Variants in NTM observed in about 807,000 individuals in gnomAD.
NTM encodes IgLON family member 2.
NTM carries 13 observed loss-of-function variants against 42.1 expected under a neutral mutation model. The observed-to-expected ratio is 0.31, with a 90% CI of 0.20 to 0.49. NTM has a LOEUF of 0.49. Ranked by LOEUF, NTM falls within the 20% of genes least tolerant of loss-of-function variation. The pLI is 0.99. For synonymous variants in NTM, 187 were observed against 179.2 expected (o/e 1.04, Z -0.35); for missense variants, 373 against 452.8 (o/e 0.82, Z 1.60).
At chr11:131,789,634 GAAAAGAAGA>G (rs1349975223) in intron 1 of NTM, among the ~76,000 whole-genome samples, 1 of 33,828 alleles carries the variant, frequency 3.0e-5, no homozygotes, top group African/African-American at 1.2e-4. Flanking sequence ...AGAAGAAGAA[GAAAAGAAGA>G]AGAAGAAGAA....
intron 2 of NTM, among the ~76,000 whole-genome samples, chr11:132,081,414 G>C (rs1407987967): frequency 3.3e-5 from 5 of 152,134 alleles, no homozygotes; most frequent in East Asian, 1.9e-4. Context: ...CCTATCCTAA[G>C]AGGATGGACA....
chr11:131,760,170 C>T (rs2083918172), intron 1 of NTM, among the ~76,000 whole-genome samples: 1 of 152,154 alleles, frequency 6.6e-6, no homozygotes. Flanking sequence ...AGAAGCATGA[C>T]AACACTGGAA....
intron 4 of NTM, among the ~76,000 whole-genome samples, chr11:132,233,277 A>G (rs1016160164): frequency 2.6e-5 from 4 of 152,216 alleles, no homozygotes; most frequent in African/African-American, 9.6e-5. Context: ...AAAATTAGCC[A>G]GGTATGGTGG....
intron 3 of NTM, among the ~76,000 whole-genome samples, chr11:132,210,132 G>A (rs1566478976): frequency 6.6e-6 from 1 of 152,160 alleles, no homozygotes; most frequent in Non-Finnish European, 1.5e-5. Flanking sequence ...GCTTCCCTGG[G>A]CTCTCCGGCA....
chr11:131,670,320 CCTTTCTTT>C (rs113552382), intron 1 of NTM, among the ~76,000 whole-genome samples: 4 of 151,896 alleles, frequency 2.6e-5, no homozygotes, highest in African/African-American at 4.8e-5. Context: ...TCAAATCTTT[CCTTTCTTT>C]CTTTCTTTCT....
At chr11:131,920,295 T>C (rs1324212299) in intron 2 of NTM, among the ~76,000 whole-genome samples, 1 of 152,204 alleles carries the variant, frequency 6.6e-6, no homozygotes, top group Non-Finnish European at 1.5e-5. Context: ...GTTCTCTAAT[T>C]GTAAGTCTTC....
At chr11:131,750,136 G>A (rs1391573824) in intron 1 of NTM, among the ~76,000 whole-genome samples, 3 of 152,152 alleles carry the variant, frequency 2.0e-5, no homozygotes, top group East Asian at 1.9e-4. Context: ...ATCCCCTAAC[G>A]TTATCATTTC....
At chr11:131,788,965 G>A (rs1565548296) in intron 1 of NTM, among the ~76,000 whole-genome samples, 1 of 152,214 alleles carries the variant, frequency 6.6e-6, no homozygotes, top group East Asian at 1.9e-4. Context: ...TCTCTGTTCT[G>A]GCTCATTACC....
chr11:131,415,510 C>T (rs1946854091), intron 1 of NTM, among the ~76,000 whole-genome samples: 1 of 152,120 alleles, frequency 6.6e-6, no homozygotes, highest in Admixed American at 6.5e-5. Context: ...CAAAATAACC[C>T]TAAATCAGTT....
intron 1 of NTM, among the ~76,000 whole-genome samples, chr11:131,789,505 A>AG (rs1565551314): frequency 8.5e-5 from 1 of 11,736 alleles, no homozygotes; most frequent in Non-Finnish European, 1.6e-4. Flanking sequence ...AAGAAGAAGA[A>AG]GAAGAAGAAG....
chr11:131,964,872 G>A (rs926101629), intron 2 of NTM, among the ~76,000 whole-genome samples: 7 of 152,170 alleles, frequency 4.6e-5, no homozygotes, highest in African/African-American at 1.7e-4. Flanking sequence ...GGAGAGTTTA[G>A]GTTTTGTGGT....
intron 4 of NTM, among the ~76,000 whole-genome samples, chr11:132,252,804 G>A (rs1308381441): frequency 6.6e-6 from 1 of 152,068 alleles, no homozygotes; most frequent in African/African-American, 2.4e-5. Context: ...AAGGTTAATG[G>A]GTATTTACGT....
At chr11:131,790,473 T>A (rs1015353962) in intron 1 of NTM, among the ~76,000 whole-genome samples, 1 of 152,170 alleles carries the variant, frequency 6.6e-6, no homozygotes, top group Non-Finnish European at 1.5e-5. Flanking sequence ...ATAAAAATAG[T>A]AAAGTCTCCC....
chr11:132,186,623 C>T (rs2078440939), intron 3 of NTM, among the ~76,000 whole-genome samples: 1 of 152,188 alleles, frequency 6.6e-6, no homozygotes, highest in Non-Finnish European at 1.5e-5. Flanking sequence ...GCTTTCAGGT[C>T]ATGGCATTGC....
At chr11:132,155,119 C>T (rs1365561190) in intron 3 of NTM, among the ~76,000 whole-genome samples, 3 of 152,114 alleles carry the variant, frequency 2.0e-5, no homozygotes, top group African/African-American at 7.2e-5. Context: ...CCGGTGTTGG[C>T]TCCGTTGGGG....
intron 4 of NTM, among the ~76,000 whole-genome samples, chr11:132,218,299 C>A (rs1163309222): frequency 6.6e-6 from 1 of 152,156 alleles, no homozygotes; most frequent in African/African-American, 2.4e-5. Flanking sequence ...AGAGAGAAAG[C>A]AAAAGTTTTT....
chr11:132,211,466 C>T (rs902123966), intron 3 of NTM, among the ~76,000 whole-genome samples: 1 of 152,154 alleles, frequency 6.6e-6, no homozygotes, highest in Non-Finnish European at 1.5e-5. Context: ...AATATGAACC[C>T]AAATACTTTA....
At chr11:131,449,940 T>G (rs1950359081) in intron 1 of NTM, among the ~76,000 whole-genome samples, 2 of 152,180 alleles carry the variant, frequency 1.3e-5, no homozygotes, top group South Asian at 4.1e-4. Flanking sequence ...AATGTCCCCA[T>G]GTTTACTCAC....
chr11:131,569,560 T>C (rs1309441602), intron 1 of NTM, among the ~76,000 whole-genome samples: 1 of 150,932 alleles, frequency 6.6e-6, no homozygotes, highest in Admixed American at 6.6e-5. Flanking sequence ...TTAACTTTTC[T>C]TTTTTTCTTC....
Sources: allele counts gnomAD v4.1 joint callset (sites outside exome capture counted in the v4.1 genomes callset), GRCh38; gene constraint gnomAD v4.1.1; transcripts MANE v1.5; gene names NCBI Gene and HGNC (gene_info 2026-07-23, HGNC 2026-07-21).